Variants in PPP2R3B observed in about 807,000 individuals in gnomAD.
PPP2R3B encodes protein phosphatase 2 regulatory subunit B''beta, also known as serine/threonine-protein phosphatase 2A regulatory subunit B'' subunit beta.
PPP2R3B carries 68 observed loss-of-function variants against 72.9 expected under a neutral mutation model. The observed-to-expected ratio is 0.93, with a 90% CI of 0.77 to 1.14. The LOEUF (loss-of-function observed/expected upper bound fraction) is 1.14. Ranked by LOEUF, PPP2R3B falls within the 50% of genes most tolerant of loss-of-function variation. The pLI, the probability that PPP2R3B is intolerant of heterozygous loss-of-function variation, is 0.00. For synonymous variants in PPP2R3B, 466 were observed against 375.8 expected, an observed-to-expected ratio of 1.24 and a Z score of -2.78; for missense variants, 1,018 against 842.0, an observed-to-expected ratio of 1.21 and a Z score of -2.59.
intron 1 of PPP2R3B, among the ~76,000 whole-genome samples, chrX:370,814 G>A (rs1362742276): frequency 6.6e-6 from 1 of 152,208 alleles, no homozygotes; most frequent in East Asian, 1.9e-4. Flanking sequence ...CGTCAGGGAC[G>A]CCCAGAGCCC....
At chrX:354,921 C>T (rs946608642) in intron 2 of PPP2R3B, among the ~76,000 whole-genome samples, 39 of 152,160 alleles carry the variant, frequency 2.6e-4, no homozygotes, top group African/African-American at 7.5e-4. Flanking sequence ...TGATGAAGGA[C>T]GCCAGGCAGG....
intron 10 of PPP2R3B, 21 bp from the exon 11 acceptor site, chrX:338,917 C>T: frequency 6.2e-7 from 1 of 1,603,592 alleles, no homozygotes; most frequent in Non-Finnish European, 8.5e-7. Context: ...GGGAGTGCGT[C>T]CAAGGCGCGT....
At position 341,709 on chromosome X, in the gene PPP2R3B, A is replaced by ACC. The variant is rs35670106; in HGVS notation, c.1085+172_1085+173dup. The ACC allele has an allele frequency of 8.0e-4, 574 of 721,196 alleles. 1 individual carries two copies. Among genetic ancestry groups the ACC allele is most frequent in the African/African-American group, 6.1e-3 (342 of 56,130 alleles). The allele number at this position is 721,196 out of a possible 1,614,324, so 44.7% of individuals were successfully genotyped here. On this transcript the variant is annotated intron_variant, in intron 8 of 12. Transcript: ENST00000390665. ...AGACTTCGCGTGACAGTCTTGTGCCACCCCCCCCCACTAGGGATTCACGTG... is the reference window on the plus strand; with the variant it reads ...AGACTTCGCGTGACAGTCTTGTGCCACCCCCCCCCCCACTAGGGATTCACGTG...
intron 12 of PPP2R3B, chrX:338,192 G>A (rs1459552516): frequency 4.4e-5 from 15 of 343,712 alleles, no homozygotes; most frequent in Non-Finnish European, 7.7e-5. Flanking sequence ...AACCAGCCCA[G>A]GGCCTCTCAG....
In PPP2R3B at chrX:350,628, G is replaced by A. The variant is rs186933742; in HGVS notation, c.511-2935C>T. On this transcript the variant is annotated intron_variant, in intron 2 of 12. Coordinates refer to ENST00000390665, the MANE Select transcript of PPP2R3B (RefSeq NM_013239.5). The stretch of plus-strand genomic sequence containing the variant: ...CCCAGCACTGGCGCCGGCGAGGGCA[G>A]GGTTCACAGGGCATGGAGAGGTGGC... 3.0e-3 allele frequency among the ~76,000 whole-genome samples: 458 copies of A among 152,362 alleles called. 1 individual carries two copies. Among genetic ancestry groups the A allele is most frequent in the Non-Finnish European group, 4.7e-3 (321 of 68,038 alleles).
At chrX:334,726 G>A (rs2070842551) in intron 12 of PPP2R3B, 4 of 553,882 alleles carry the variant, frequency 7.2e-6, no homozygotes, top group South Asian at 3.4e-5. Flanking sequence ...CTGCGGTGCA[G>A]GTGAAAACCC....
At chrX:372,993 A>G (rs920102702) in intron 1 of PPP2R3B, among the ~76,000 whole-genome samples, 8 of 152,182 alleles carry the variant, frequency 5.3e-5, no homozygotes, top group Non-Finnish European at 1.2e-4. Context: ...CGCTGCATAA[A>G]TAGTCCGGTA....
At chrX:342,014 G>C in intron 7 of PPP2R3B, 83 bp from the exon 8 acceptor site, 1 of 1,533,564 alleles carries the variant, frequency 6.5e-7, no homozygotes, top group East Asian at 2.2e-5. Context: ...GACTGGATGC[G>C]GTGGGGACCG....
intron 1 of PPP2R3B, 45 bp downstream of exon 1, chrX:386,323 C>G: frequency 7.7e-7 from 1 of 1,290,756 alleles, no homozygotes; most frequent in Non-Finnish European, 9.9e-7. Flanking sequence ...CACTATGCGA[C>G]CAGAGCCACC....
At chrX:334,799 C>T (rs6645071) in intron 12 of PPP2R3B, 103,319 of 378,650 alleles carry the variant, frequency 0.27, 14,898 homozygotes, top group Middle Eastern at 0.31. Flanking sequence ...GGGCGCGCCT[C>T]TTCCCCAAAG....
At chrX:358,418 C>T (rs771132023) in intron 2 of PPP2R3B, among the ~76,000 whole-genome samples, 1 of 92,196 alleles carries the variant, frequency 1.1e-5, no homozygotes, top group Admixed American at 1.4e-4. Flanking sequence ...TCTCCGCCTG[C>T]AGGGCCGGGT....
intron 2 of PPP2R3B, chrX:347,947 A>G: frequency 6.8e-6 from 3 of 443,840 alleles, no homozygotes; most frequent in South Asian, 4.9e-5. Context: ...TGGGCACTGT[A>G]ACCAGAGGCG....
chrX:380,005 G>C (rs1014418702), intron 1 of PPP2R3B, among the ~76,000 whole-genome samples: 2 of 152,140 alleles, frequency 1.3e-5, no homozygotes, highest in African/African-American at 4.8e-5. Context: ...AATTCCACGG[G>C]GGGAGAAAAG....
chrX:340,718 C>G, intron 10 of PPP2R3B, 47 bp downstream of exon 10: 1 of 1,589,564 alleles, frequency 6.3e-7, no homozygotes, highest in Non-Finnish European at 8.6e-7. Flanking sequence ...GCCGTCCTCT[C>G]GCCCGTCCGT....
intron 2 of PPP2R3B, among the ~76,000 whole-genome samples, chrX:358,925 G>T (rs940361691): frequency 4.7e-5 from 7 of 149,386 alleles, no homozygotes; most frequent in Middle Eastern, 3.5e-3. Flanking sequence ...CGCCCTGGCG[G>T]GGAAGCACCG....
chrX:336,920 A>C (rs1234979285), intron 12 of PPP2R3B: 1 of 152,142 alleles, frequency 6.6e-6, no homozygotes, highest in Non-Finnish European at 1.5e-5. Context: ...ACAGGGATCC[A>C]TTCACTCAGC....
intron 1 of PPP2R3B, among the ~76,000 whole-genome samples, chrX:385,079 G>A (rs1245654162): frequency 1.3e-5 from 2 of 151,292 alleles, no homozygotes; most frequent in Non-Finnish European, 2.9e-5. Context: ...AGGCTGCAGA[G>A]TTGCTTCACC....
intron 1 of PPP2R3B, among the ~76,000 whole-genome samples, chrX:368,877 C>A (rs974548768): frequency 3.4e-5 from 5 of 149,022 alleles, no homozygotes; most frequent in Admixed American, 2.0e-4. Flanking sequence ...CAGGACCACC[C>A]ACCCTGGGCA....
chrX:352,386 C>T (rs1256521165), intron 2 of PPP2R3B, among the ~76,000 whole-genome samples: 1 of 152,244 alleles, frequency 6.6e-6, no homozygotes, highest in Non-Finnish European at 1.5e-5. Context: ...TCCGCTACGG[C>T]GACGGCCCCC....
Sources: allele counts gnomAD v4.1 joint callset (sites outside exome capture counted in the v4.1 genomes callset), GRCh38; gene constraint gnomAD v4.1.1; transcripts MANE v1.5; gene names NCBI Gene and HGNC (gene_info 2026-07-23, HGNC 2026-07-21).